SEMA4F: variants seen among roughly 807,000 people sequenced by gnomAD.
The protein encoded by SEMA4F is ssemaphorin 4F.
SEMA4F carries 51 observed loss-of-function variants against 78.4 expected under a neutral mutation model. The observed-to-expected ratio is 0.65, with a 90% CI of 0.52 to 0.82. The LOEUF (loss-of-function observed/expected upper bound fraction) is 0.82, where lower values mean the gene tolerates loss of function less well. Ranked by LOEUF, SEMA4F falls within the 40% of genes least tolerant of loss-of-function variation. The probability of loss-of-function intolerance (pLI) is 0.00; values close to 1 mark genes in which losing one functional copy is unlikely to be tolerated. For synonymous variants in SEMA4F, 418 were observed against 408.7 expected (o/e 1.02, Z -0.27); for missense variants, 938 against 1,014.4 (o/e 0.92, Z 1.02).
chr2:74,676,087 A>G (rs965355977), intron 12 of SEMA4F, among the ~76,000 whole-genome samples, 178 bp downstream of exon 12: 2 of 152,016 alleles, frequency 1.3e-5, no homozygotes, highest in Non-Finnish European at 2.9e-5. Flanking sequence ...CTGTTTGTCC[A>G]TCTAGTGCTA....
At chr2:74,657,711 C>A in intron 3 of SEMA4F, 87 bp downstream of exon 3, 2 of 1,438,346 alleles carry the variant, frequency 1.4e-6, no homozygotes, top group Non-Finnish European at 2.0e-6. Flanking sequence ...GCTTCCATAC[C>A]AATGGGCCCA....
chr2:74,708,342 T>A, the SEMA4F span, among the ~76,000 whole-genome samples: 7 of 152,124 alleles, frequency 4.6e-5, no homozygotes, highest in Non-Finnish European at 8.8e-5. Flanking sequence ...GAGCCTAGGC[T>A]TTTCCCCTCA....
chr2:74,656,054 G>C (rs1684118361), intron 1 of SEMA4F, among the ~76,000 whole-genome samples: 1 of 151,884 alleles, frequency 6.6e-6, no homozygotes, highest in Non-Finnish European at 1.5e-5. Context: ...TGTCACCCAG[G>C]CTGGTGTGCA....
chr2:74,663,019 T>G (rs72909228), intron 5 of SEMA4F, among the ~76,000 whole-genome samples, 194 bp downstream of exon 5: 3,869 of 152,324 alleles, frequency 0.025, 156 homozygotes, highest in African/African-American at 0.088. Context: ...ATCCCCAGGA[T>G]TCTCTCCACA....
chr2:74,666,463 T>C (rs1684702931), intron 5 of SEMA4F, among the ~76,000 whole-genome samples: 1 of 152,096 alleles, frequency 6.6e-6, no homozygotes, highest in Non-Finnish European at 1.5e-5. Context: ...TGATAATTGA[T>C]GGAGGCGATC....
chr2:74,707,344 A>G, the SEMA4F span, among the ~76,000 whole-genome samples: 1 of 150,970 alleles, frequency 6.6e-6, no homozygotes, highest in African/African-American at 2.4e-5. Flanking sequence ...TAATGTGTGC[A>G]TGTGTGCAGA....
At chr2:74,669,578 C>G (rs1350445691) in intron 5 of SEMA4F, among the ~76,000 whole-genome samples, 1 of 150,772 alleles carries the variant, frequency 6.6e-6, no homozygotes, top group African/African-American at 2.5e-5. Context: ...GAGCTAGACT[C>G]TGTCTCAAAC....
Position 74,679,181 on chromosome 2 carries a change from T to A in SEMA4F, c.1644-95T>A, listed in dbSNP as rs528976535. On this transcript the variant is annotated intron_variant, in intron 12 of 13. Coordinates refer to ENST00000357877, the MANE Select transcript of SEMA4F (RefSeq NM_004263.5). Reference sequence around the variant, plus strand: ...ATTTCTGGAGTGATTTCTGGGATGATGGGAGATATATTGAATGAGGGAGTC... The same window carrying A: ...ATTTCTGGAGTGATTTCTGGGATGAAGGGAGATATATTGAATGAGGGAGTC... 6 of 965,614 alleles carry A rather than the reference T, an allele frequency of 6.2e-6. No homozygotes were observed. In the Admixed American group the frequency reaches 7.0e-5, roughly 11 times the overall value. 59.8% of individuals were successfully genotyped at this position (965,614 alleles called of 1,614,324 possible).
the SEMA4F span, among the ~76,000 whole-genome samples, chr2:74,693,193 G>A: frequency 3.3e-5 from 5 of 152,174 alleles, no homozygotes; most frequent in African/African-American, 1.2e-4. Context: ...ACAATAAAAT[G>A]TTATTCTATA....
intron 1 of SEMA4F, 37 bp downstream of exon 1, chr2:74,654,558 C>G: frequency 1.4e-6 from 2 of 1,444,334 alleles, no homozygotes; most frequent in African/African-American, 3.0e-5. Flanking sequence ...GCCCTTCGCG[C>G]CCACACCCAC....
intron 1 of SEMA4F, chr2:74,655,227 A>G (rs1164436127): frequency 3.1e-6 from 1 of 320,904 alleles, no homozygotes; most frequent in East Asian, 8.9e-5. Context: ...TAAACCATTC[A>G]ATGTGTTGAT....
At chr2:74,690,483 T>C in the SEMA4F span, among the ~76,000 whole-genome samples, 7 of 146,706 alleles carry the variant, frequency 4.8e-5, no homozygotes, top group African/African-American at 5.4e-5. Context: ...GAAATGAAGA[T>C]GGCAGTGGCA....
In SEMA4F at chr2:74,654,541, G is replaced by C. The variant is rs757247188; in HGVS notation, c.145+20G>C. ...TCTCTGGTAAGGCGCGGACGCCCAC[G>C]CCCTCAGCCCTTCGCGCCCACACCC... On this transcript the variant is annotated intron_variant, in intron 1 of 13. Transcript: ENST00000357877. The C allele has an allele frequency of 5.9e-6, 9 of 1,517,458 alleles. No homozygotes were observed. The South Asian group carries it at 1.1e-4, about 19-fold the overall frequency. 94.0% of individuals were successfully genotyped at this position (1,517,458 alleles called of 1,614,324 possible). A position where few individuals can be genotyped will look rare whatever the true frequency, so the allele number is the denominator to read the frequency against.
chr2:74,687,750 G>T (rs186041895), downstream of SEMA4F, among the ~76,000 whole-genome samples: 4 of 152,296 alleles, frequency 2.6e-5, no homozygotes, highest in Admixed American at 6.5e-5. Context: ...TCAAGGGATA[G>T]CTTTAGGGTG....
At chr2:74,707,019 C>T in the SEMA4F span, among the ~76,000 whole-genome samples, 1 of 152,054 alleles carries the variant, frequency 6.6e-6, no homozygotes, top group South Asian at 2.1e-4. Context: ...CTGCTACCTG[C>T]ATTTAACTAA....
At position 74,654,339 on chromosome 2, in the gene SEMA4F, G is replaced by T. The variant is rs886839552; in HGVS notation, c.-38G>T. 2 of 1,445,264 alleles carry T rather than the reference G, an allele frequency of 1.4e-6. No homozygotes were observed. The highest frequency in any genetic ancestry group is 1.8e-6 in the Non-Finnish European group (2 of 1,106,780). 89.5% of individuals were successfully genotyped at this position (1,445,264 alleles called of 1,614,324 possible). ...AGCCCCGGGGCCCTGAGCAGAGGCCGTAGCTTGCGCCGCACCCGCGGCCAG... is the reference window on the plus strand; with the variant it reads ...AGCCCCGGGGCCCTGAGCAGAGGCCTTAGCTTGCGCCGCACCCGCGGCCAG... On this transcript the variant is annotated 5_prime_UTR_variant, in exon 1 of 14. Transcript: ENST00000357877.
At chr2:74,659,168 A>T (rs1457882122) in intron 4 of SEMA4F, among the ~76,000 whole-genome samples, 17 of 152,192 alleles carry the variant, frequency 1.1e-4, no homozygotes, top group Admixed American at 9.2e-4. Flanking sequence ...GTATTCCCTC[A>T]GGTAACATTG....
chr2:74,669,713 A>G (rs1311583295), intron 5 of SEMA4F, among the ~76,000 whole-genome samples: 1 of 152,216 alleles, frequency 6.6e-6, no homozygotes, highest in African/African-American at 2.4e-5. Context: ...TAGAAATTTT[A>G]AACCCCCAGG....
rs1049313102 is a variant in SEMA4F, at chr2:74,658,176, A to G, written c.456+225A>G. On this transcript the variant is annotated intron_variant, in intron 4 of 13. Coordinates refer to ENST00000357877, the MANE Select transcript of SEMA4F (RefSeq NM_004263.5). This position sits in a 1 kb window ranked among gnomAD's most constrained non-coding sequence, Gnocchi z 4.3. ...AAAGGGAGGTTGTCTGGAGAGGGTA[A>G]GATATACAAAGTGTGAAGAGAGACA... Among the ~76,000 whole-genome samples, 1 of 152,168 alleles carries G rather than the reference A, an allele frequency of 6.6e-6. No individual in the cohort carries two copies. The highest frequency in any genetic ancestry group is 6.5e-5 in the Admixed American group (1 of 15,276).
Sources: allele counts gnomAD v4.1 joint callset (sites outside exome capture counted in the v4.1 genomes callset), GRCh38; gene constraint gnomAD v4.1.1; non-coding constraint Gnocchi (gnomAD v3.1); transcripts MANE v1.5; gene names NCBI Gene and HGNC (gene_info 2026-07-23, HGNC 2026-07-21).